Variants in ADGRB3 observed in about 807,000 individuals in gnomAD.
The protein encoded by ADGRB3 is brain-specific angiogenesis inhibitor 3.
A neutral mutation model predicts 193.4 loss-of-function variants in ADGRB3; 37 were observed. The observed-to-expected ratio is 0.19, with a 90% confidence interval of 0.15 to 0.25. The LOEUF (loss-of-function observed/expected upper bound fraction) is 0.25, where lower values mean the gene tolerates loss of function less well. ADGRB3 is among the 10% of genes least tolerant of loss of function. The pLI is 1.00. For missense variants in ADGRB3, 1,637 were observed against 1,852.9 expected (o/e 0.88, Z 2.14); for synonymous variants, 690 against 644.2 (o/e 1.07, Z -1.08).
intron 17 of ADGRB3, among the ~76,000 whole-genome samples, chr6:69,148,539 C>G (rs1296861463): frequency 6.6e-6 from 1 of 152,066 alleles, no homozygotes; most frequent in Admixed American, 6.5e-5. Context: ...ATCCTTTAGT[C>G]TTTCTACTTA....
intron 3 of ADGRB3, among the ~76,000 whole-genome samples, chr6:68,895,304 T>G (rs1017395429): frequency 6.6e-6 from 1 of 151,828 alleles, no homozygotes; most frequent in Non-Finnish European, 1.5e-5. Context: ...ACTTGAAATA[T>G]AATGTATTTA....
rs1248923050 is a variant in ADGRB3 at position 68,994,995 on chromosome 6, A to T, written c.1929+1033A>T. ...GACACCCTAATTTGTATAGAGGTAC[A>T]TATATTGCTAAAATCATATGCATAT... On this transcript the variant is annotated intron_variant, in intron 11 of 31. Transcript: ENST00000370598. Among the ~76,000 whole-genome samples the T allele has an allele frequency of 3.3e-5, 5 of 152,214 alleles. No homozygotes were observed. In the East Asian group the frequency reaches 7.7e-4, roughly 23 times the overall value.
At chr6:68,995,159 G>T (rs1298755473) in intron 11 of ADGRB3, among the ~76,000 whole-genome samples, 1 of 152,134 alleles carries the variant, frequency 6.6e-6, no homozygotes, top group Admixed American at 6.5e-5. Context: ...ACATTTCAAA[G>T]ATGCTTTTCT....
chr6:69,196,866 C>A (rs1336502582), intron 17 of ADGRB3, among the ~76,000 whole-genome samples: 1 of 151,994 alleles, frequency 6.6e-6, no homozygotes, highest in Non-Finnish European at 1.5e-5. Flanking sequence ...CTAATGAAGG[C>A]AGTATGATGT....
chr6:68,707,617 T>C (rs1562001045), intron 3 of ADGRB3, among the ~76,000 whole-genome samples: 1 of 152,164 alleles, frequency 6.6e-6, no homozygotes, highest in Admixed American at 6.5e-5. Context: ...ATTGAATAAT[T>C]ATACTTATAA....
chr6:69,364,269 A>G (rs750215853), intron 29 of ADGRB3, among the ~76,000 whole-genome samples: 1 of 152,078 alleles, frequency 6.6e-6, no homozygotes, highest in South Asian at 2.1e-4. Flanking sequence ...GTAGAATAGA[A>G]TTTGATAGAA....
At chr6:69,352,800 A>G (rs976628239) in intron 26 of ADGRB3, among the ~76,000 whole-genome samples, 1 of 152,232 alleles carries the variant, frequency 6.6e-6, no homozygotes, top group Non-Finnish European at 1.5e-5. Flanking sequence ...TTCCTGGCCA[A>G]CAGGTATATT....
chr6:68,939,840 A>G (rs1459123281), intron 5 of ADGRB3, among the ~76,000 whole-genome samples: 3 of 152,210 alleles, frequency 2.0e-5, no homozygotes, highest in Non-Finnish European at 2.9e-5. Flanking sequence ...GAAATCAGTA[A>G]CTGATTTGTC....
At chr6:68,675,052 G>A (rs1026443197) in intron 3 of ADGRB3, among the ~76,000 whole-genome samples, 4 of 152,110 alleles carry the variant, frequency 2.6e-5, no homozygotes, top group African/African-American at 7.2e-5. Flanking sequence ...CCTTCAATAT[G>A]TATTGCGAAT....
intron 3 of ADGRB3, among the ~76,000 whole-genome samples, chr6:68,851,315 TC>T (rs763919846): frequency 1.3e-5 from 2 of 151,920 alleles, no homozygotes; most frequent in Non-Finnish European, 2.9e-5. Context: ...TATTATAGTA[TC>T]GTCTTTCCTT....
chr6:69,297,272 GACTTTCT>G (rs1259232012), intron 20 of ADGRB3, among the ~76,000 whole-genome samples: 7 of 151,184 alleles, frequency 4.6e-5, no homozygotes, highest in Admixed American at 6.6e-5. Context: ...CTATGTAAAT[GACTTTCT>G]ACTTTCTATT....
At chr6:69,212,378 G>A (rs1051824711) in intron 17 of ADGRB3, among the ~76,000 whole-genome samples, 4 of 152,034 alleles carry the variant, frequency 2.6e-5, no homozygotes, top group South Asian at 2.1e-4. Context: ...ATTTCAGACC[G>A]CACTATCGAG....
intron 17 of ADGRB3, among the ~76,000 whole-genome samples, chr6:69,212,268 G>A (rs1281167883): frequency 6.6e-6 from 1 of 152,012 alleles, no homozygotes; most frequent in Non-Finnish European, 1.5e-5. Flanking sequence ...TCCTGAATTT[G>A]TGAATACATA....
intron 20 of ADGRB3, among the ~76,000 whole-genome samples, chr6:69,289,863 G>GTTGCACACTGCGGTGT (rs1475137935): frequency 6.6e-6 from 1 of 151,240 alleles, no homozygotes; most frequent in East Asian, 1.9e-4. Context: ...TCACAGAATT[G>GTTGCACACTGCGGTGT]GCACACTGCG....
intron 12 of ADGRB3, among the ~76,000 whole-genome samples, chr6:69,014,365 C>G (rs1582394726): frequency 2.0e-5 from 3 of 151,214 alleles, no homozygotes; most frequent in Admixed American, 6.6e-5. Context: ...TATACCTAAC[C>G]AATAAGTTCC....
At chr6:68,690,767 T>C (rs1765059004) in intron 3 of ADGRB3, among the ~76,000 whole-genome samples, 1 of 152,158 alleles carries the variant, frequency 6.6e-6, no homozygotes, top group South Asian at 2.1e-4. Flanking sequence ...GTTAAACCTC[T>C]AATCTGGTAT....
intron 3 of ADGRB3, among the ~76,000 whole-genome samples, chr6:68,867,138 C>T (rs1199581375): frequency 6.6e-6 from 1 of 152,190 alleles, no homozygotes; most frequent in Admixed American, 6.5e-5. Context: ...CTCTTCATGG[C>T]AGCTCTTCCC....
chr6:68,830,126 T>C (rs190631146), intron 3 of ADGRB3, among the ~76,000 whole-genome samples: 104 of 152,296 alleles, frequency 6.8e-4, no homozygotes, highest in African/African-American at 2.4e-3. Flanking sequence ...AAGAAAAGTC[T>C]TGATTTCTTA....
chr6:69,327,200 G>A (rs1768593281), intron 21 of ADGRB3, among the ~76,000 whole-genome samples: 1 of 152,014 alleles, frequency 6.6e-6, no homozygotes. Flanking sequence ...AATACAGGGG[G>A]GTTCTATTGA....
Sources: gnomAD v4.1 joint callset for allele counts (sites outside exome capture counted in the v4.1 genomes callset) on GRCh38, gnomAD v4.1.1 for gene constraint, MANE v1.5 for transcripts, NCBI Gene and HGNC (gene_info 2026-07-23, HGNC 2026-07-21) for gene names.